The following OSBPL9 variants were observed in gnomAD, a reference collection of about 807,000 sequenced individuals.
OSBPL9 encodes oxysterol-binding protein-related protein 9.
A neutral mutation model predicts 106.6 loss-of-function variants in OSBPL9; 40 were observed. The observed-to-expected ratio is 0.38, with a 90% confidence interval of 0.29 to 0.49. The LOEUF (loss-of-function observed/expected upper bound fraction) is 0.49. Among genes scored for constraint, OSBPL9 ranks in the 20% least tolerant of loss-of-function variants. The pLI is 0.97. For missense variants in OSBPL9, 609 were observed against 887.2 expected (o/e 0.69, Z 3.98); for synonymous variants, 269 against 295.4 (o/e 0.91, Z 0.92).
the OSBPL9 span, among the ~76,000 whole-genome samples, chr1:51,520,734 T>C: frequency 2.0e-5 from 3 of 152,186 alleles, no homozygotes; most frequent in Non-Finnish European, 2.9e-5. Flanking sequence ...CACCTAAGTT[T>C]TTAGACTATT....
At position 51,765,877 on chromosome 1, in the gene OSBPL9, G is replaced by A; in HGVS notation, c.834G>A (p.Leu278=). The A allele has an allele frequency of 6.2e-7, 1 of 1,613,936 alleles. No individual in the cohort carries two copies. Among genetic ancestry groups the A allele is most frequent in the East Asian group, 2.2e-5 (1 of 44,872 alleles). The part of the protein sequence containing the change: ...SSLTSPSHVN[L]SPNTVPEFSY... Reference sequence around the variant, plus strand: ...TCACTTCTCCAAGCCACGTGAACTTGTCTCCAAATACAGTCCCAGAGTTCT... The same window carrying A: ...TCACTTCTCCAAGCCACGTGAACTTATCTCCAAATACAGTCCCAGAGTTCT... Residue 278 remains leucine, a synonymous_variant, in exon 12 of 24, where the codon TTG becomes TTA. Transcript: ENST00000428468.
At position 51,669,463 on chromosome 1, in the gene OSBPL9, C is replaced by T. The variant is rs1220934517; in HGVS notation, c.192C>T (p.Asp64=). The T allele has an allele frequency of 8.7e-6, 14 of 1,614,036 alleles. No individual in the cohort carries two copies. Among genetic ancestry groups the T allele is most frequent in the South Asian group, 2.2e-5 (2 of 91,076 alleles). The stretch of plus-strand genomic sequence containing the variant: ...CTGTGATTGGTATAGACGATGAGGA[C>T]GACAGCACCTTCACAATAACTGTTG... ...RGAVIGIDDE[D]DSTFTITVDQ... Residue 64 remains aspartate (D), a synonymous_variant, in exon 3 of 24, where the codon GAC becomes GAT. Coordinates refer to ENST00000428468, the MANE Select transcript of OSBPL9 (RefSeq NM_024586.6).
intron 4 of OSBPL9, among the ~76,000 whole-genome samples, chr1:51,738,366 T>G (rs1666169045): frequency 6.6e-6 from 1 of 152,082 alleles, no homozygotes; most frequent in South Asian, 2.1e-4. Flanking sequence ...TAGCAGAAAC[T>G]GAACATTACA....
At chr1:51,760,436 T>C (rs1671240438) in intron 9 of OSBPL9, 1 of 369,446 alleles carries the variant, frequency 2.7e-6, no homozygotes, top group African/African-American at 2.1e-5. Flanking sequence ...CACACCATTT[T>C]ATAACTCCTC....
the OSBPL9 span, among the ~76,000 whole-genome samples, chr1:51,547,661 T>A: frequency 6.6e-6 from 1 of 151,996 alleles, no homozygotes; most frequent in Admixed American, 6.6e-5. Context: ...CTGAGCAACA[T>A]GGCGAAACCC....
intron 1 of OSBPL9, among the ~76,000 whole-genome samples, chr1:51,626,766 C>T (rs185174712): frequency 4.6e-5 from 7 of 152,086 alleles, no homozygotes; most frequent in East Asian, 3.9e-4. Flanking sequence ...GTGATACTCC[C>T]GCTTTGGCCT....
intron 1 of OSBPL9, among the ~76,000 whole-genome samples, chr1:51,618,858 A>T (rs1280525970): frequency 6.6e-6 from 1 of 152,236 alleles, no homozygotes; most frequent in Non-Finnish European, 1.5e-5. Context: ...ATGCCAAATT[A>T]TTGACTTTTT....
At chr1:51,581,006 A>G (rs1645219035) in intron 1 of OSBPL9, among the ~76,000 whole-genome samples, 1 of 133,394 alleles carries the variant, frequency 7.5e-6, no homozygotes, top group African/African-American at 2.8e-5. Context: ...GTGCAGTGGC[A>G]TGACCTTTAC....
chr1:51,566,170 G>T, the OSBPL9 span: 1 of 152,208 alleles, frequency 6.6e-6, no homozygotes, highest in African/African-American at 2.4e-5. Context: ...CAACAAAGGT[G>T]AGTGGCTGCC....
chr1:51,699,535 T>C (rs1656794293), intron 3 of OSBPL9, among the ~76,000 whole-genome samples: 1 of 152,174 alleles, frequency 6.6e-6, no homozygotes, highest in African/African-American at 2.4e-5. Context: ...TTGTCCTCAA[T>C]TTGACCAGAG....
chr1:51,636,312 C>T (rs74933465), intron 1 of OSBPL9, among the ~76,000 whole-genome samples: 118 of 151,074 alleles, frequency 7.8e-4, no homozygotes, highest in Non-Finnish European at 1.4e-3. Context: ...AGGCATTTGC[C>T]ACCTCTCCTG....
chr1:51,628,652 T>C (rs983567394), intron 1 of OSBPL9, among the ~76,000 whole-genome samples: 4 of 151,856 alleles, frequency 2.6e-5, no homozygotes, highest in Non-Finnish European at 4.4e-5. Context: ...ACTATGACTT[T>C]GTGATCTGCT....
At chr1:51,619,252 A>G (rs569726975) in intron 1 of OSBPL9, among the ~76,000 whole-genome samples, 1 of 152,160 alleles carries the variant, frequency 6.6e-6, no homozygotes, top group Non-Finnish European at 1.5e-5. Context: ...ACAAATCCCA[A>G]ATTTGTGTGG....
At chr1:51,686,284 G>A (rs1415556876) in intron 3 of OSBPL9, among the ~76,000 whole-genome samples, 1 of 152,150 alleles carries the variant, frequency 6.6e-6, no homozygotes, top group African/African-American at 2.4e-5. Context: ...GGAAACTGAG[G>A]CTTGTGTAAG....
the OSBPL9 span, among the ~76,000 whole-genome samples, chr1:51,537,310 C>CT: frequency 9.9e-5 from 15 of 152,114 alleles, no homozygotes; most frequent in East Asian, 7.7e-4. Flanking sequence ...GTCTTCATCA[C>CT]TTTTTTTTAA....
intron 1 of OSBPL9, among the ~76,000 whole-genome samples, chr1:51,588,889 A>C (rs1350062802): frequency 6.6e-6 from 1 of 152,160 alleles, no homozygotes; most frequent in Non-Finnish European, 1.5e-5. Flanking sequence ...CTAGTTTCTG[A>C]AGCTATAGCA....
In OSBPL9 at chr1:51,787,934, A is replaced by C; in HGVS notation, c.*145A>C. ...TCAGGGATACTGGACTTTCTGACGC[A>C]GATGAACAATTAAGGGGAAAAGCTT... On this transcript the variant is annotated 3_prime_UTR_variant, in exon 24 of 24. Transcript: ENST00000428468. The C allele has an allele frequency of 1.5e-6, 1 of 682,926 alleles. No homozygotes were observed. The highest frequency in any genetic ancestry group is 2.5e-6 in the Non-Finnish European group (1 of 407,904). 42.3% of individuals were successfully genotyped at this position (682,926 alleles called of 1,614,324 possible). A position where few individuals can be genotyped will look rare whatever the true frequency, so the allele number is the denominator to read the frequency against.
intron 1 of OSBPL9, among the ~76,000 whole-genome samples, chr1:51,632,818 A>G (rs1183736407): frequency 1.3e-5 from 2 of 152,154 alleles, no homozygotes; most frequent in Non-Finnish European, 2.9e-5. Context: ...GAGTAAGTTT[A>G]AATTTCTGAC....
chr1:51,727,424 A>G (rs1055534150), intron 4 of OSBPL9, among the ~76,000 whole-genome samples: 6 of 152,228 alleles, frequency 3.9e-5, no homozygotes, highest in African/African-American at 1.4e-4. Flanking sequence ...GAATTCTACT[A>G]AATAATGATA....
Sources: allele counts gnomAD v4.1 joint callset (sites outside exome capture counted in the v4.1 genomes callset), GRCh38; gene constraint gnomAD v4.1.1; transcripts MANE v1.5; gene names NCBI Gene and HGNC (gene_info 2026-07-23, HGNC 2026-07-21).